Variants in SGCZ observed in about 807,000 individuals in gnomAD.
SGCZ encodes sarcoglycan zeta.
A neutral mutation model predicts 41.3 loss-of-function variants in SGCZ; 40 were observed. The ratio of observed to expected loss-of-function variants is 0.97; its 90% confidence interval spans 0.75 to 1.26. The LOEUF (loss-of-function observed/expected upper bound fraction) is 1.26, where lower values mean the gene tolerates loss of function less well. SGCZ is among the 50% of genes most tolerant of loss of function. The probability of loss-of-function intolerance (pLI) is 0.00; values close to 1 mark genes in which losing one functional copy is unlikely to be tolerated. For missense variants in SGCZ, 552 were observed against 369.8 expected (o/e 1.49, Z -4.04); for synonymous variants, 206 against 137.5 (o/e 1.50, Z -3.49).
chr8:14,519,787 T>C (rs1254529113), intron 2 of SGCZ, among the ~76,000 whole-genome samples: 2 of 152,220 alleles, frequency 1.3e-5, no homozygotes, highest in African/African-American at 2.4e-5. Context: ...ATGAGAAAAA[T>C]GTTATTTCAT....
chr8:15,088,975 G>A (rs1204240693), intron 1 of SGCZ, among the ~76,000 whole-genome samples: 1 of 152,152 alleles, frequency 6.6e-6, no homozygotes, highest in Non-Finnish European at 1.5e-5. Context: ...TGCTCCTAAT[G>A]TTCATAACAG....
At chr8:14,802,971 T>A (rs1008877350) in intron 1 of SGCZ, among the ~76,000 whole-genome samples, 1 of 152,202 alleles carries the variant, frequency 6.6e-6, no homozygotes, top group African/African-American at 2.4e-5. Context: ...TGTTTGTAGA[T>A]AGCAGACAGC....
At chr8:14,280,558 T>C (rs1271338449) in intron 3 of SGCZ, among the ~76,000 whole-genome samples, 1 of 151,950 alleles carries the variant, frequency 6.6e-6, no homozygotes, top group Non-Finnish European at 1.5e-5. Context: ...TTTAGTGGTA[T>C]TGTTTCTAAG....
Position 14,130,515 on chromosome 8 carries a change from A to C in SGCZ, c.548-22280T>G, listed in dbSNP as rs187788946. Among the ~76,000 whole-genome samples, 41 of 152,298 alleles carry C rather than the reference A, an allele frequency of 2.7e-4. No individual in the cohort carries two copies. In the Middle Eastern group the frequency reaches 0.01, roughly 38 times the overall value. ...AAAATGAATAAAACAACAAATAAATAAGCAGTTTTTGACTAGACTGCCTGA... is the reference window on the plus strand; with the variant it reads ...AAAATGAATAAAACAACAAATAAATCAGCAGTTTTTGACTAGACTGCCTGA... On this transcript the variant is annotated intron_variant, in intron 5 of 7. Coordinates refer to ENST00000382080, the MANE Select transcript of SGCZ (RefSeq NM_139167.4).
chr8:15,130,123 G>A (rs1486815017), intron 1 of SGCZ, among the ~76,000 whole-genome samples: 1 of 152,080 alleles, frequency 6.6e-6, no homozygotes, highest in Non-Finnish European at 1.5e-5. Context: ...TTCTCTATCG[G>A]GAGGTTTTGG....
At chr8:14,688,118 C>T (rs867439969) in intron 1 of SGCZ, among the ~76,000 whole-genome samples, 28 of 152,168 alleles carry the variant, frequency 1.8e-4, no homozygotes, top group Middle Eastern at 3.4e-3. Context: ...GAGTAGGTTG[C>T]GAAAATTTTC....
At chr8:15,160,983 G>A (rs186452343) in intron 1 of SGCZ, among the ~76,000 whole-genome samples, 3 of 152,104 alleles carry the variant, frequency 2.0e-5, no homozygotes, top group South Asian at 2.1e-4. Context: ...GGGCTCCTGG[G>A]ATCAAGCATT....
intron 1 of SGCZ, among the ~76,000 whole-genome samples, chr8:15,207,905 A>C (rs999299267): frequency 2.6e-5 from 4 of 152,198 alleles, no homozygotes; most frequent in African/African-American, 9.6e-5. Flanking sequence ...TCTCAATTTT[A>C]ATACAAGTTT....
chr8:14,245,797 G>A (rs1037538889), intron 3 of SGCZ, among the ~76,000 whole-genome samples: 1 of 152,196 alleles, frequency 6.6e-6, no homozygotes, highest in Non-Finnish European at 1.5e-5. Context: ...GACATGAACA[G>A]ACGCTTCTCA....
At chr8:14,476,110 G>C (rs1345401695) in intron 2 of SGCZ, among the ~76,000 whole-genome samples, 2 of 152,086 alleles carry the variant, frequency 1.3e-5, no homozygotes, top group Non-Finnish European at 2.9e-5. Flanking sequence ...TTATTCTTAT[G>C]AGTCAACTTG....
At chr8:14,230,135 G>C (rs7830259) in intron 4 of SGCZ, among the ~76,000 whole-genome samples, 145,626 of 152,152 alleles carry the variant, frequency 0.96, 69,775 homozygotes, top group East Asian at 1. Flanking sequence ...GAATATTGAG[G>C]AACGTAAGGA....
At chr8:14,457,099 C>A (rs1386912526) in intron 2 of SGCZ, among the ~76,000 whole-genome samples, 2 of 152,146 alleles carry the variant, frequency 1.3e-5, no homozygotes, top group Non-Finnish European at 2.9e-5. Flanking sequence ...ATAGTTATAC[C>A]AGATATACCT....
chr8:14,380,693 A>T (rs988228102), intron 2 of SGCZ, among the ~76,000 whole-genome samples: 57 of 152,112 alleles, frequency 3.7e-4, no homozygotes, highest in African/African-American at 1.3e-3. Context: ...CTCTATGAAA[A>T]ATAGAAAAAT....
Position 14,933,874 on chromosome 8 carries a change from T to C in SGCZ, c.39+303711A>G, listed in dbSNP as rs75436308. 3.4e-3 allele frequency among the ~76,000 whole-genome samples: 518 copies of C among 152,184 alleles called. 9 individuals are homozygous for C. The highest frequency in any genetic ancestry group is 0.011 in the African/African-American group (472 of 41,460). On this transcript the variant is annotated intron_variant, in intron 1 of 7. Coordinates refer to ENST00000382080, the MANE Select transcript of SGCZ (RefSeq NM_139167.4). The stretch of plus-strand genomic sequence containing the variant: ...TGTTAAATATTTTGATCACCATTTA[T>C]TTTTCAATGGATGGGTGAACATTAA...
intron 1 of SGCZ, among the ~76,000 whole-genome samples, chr8:15,065,104 G>T (rs1342024891): frequency 6.6e-6 from 1 of 151,966 alleles, no homozygotes; most frequent in Non-Finnish European, 1.5e-5. Flanking sequence ...TTTCCCCTTG[G>T]TCTCACTTCC....
intron 1 of SGCZ, among the ~76,000 whole-genome samples, chr8:14,843,438 G>A (rs949018180): frequency 6.6e-6 from 1 of 152,012 alleles, no homozygotes; most frequent in Non-Finnish European, 1.5e-5. Flanking sequence ...TTAGTATTTT[G>A]TATGTACCTT....
chr8:14,613,729 A>C (rs1189222964), intron 1 of SGCZ, among the ~76,000 whole-genome samples: 2 of 140,226 alleles, frequency 1.4e-5, no homozygotes, highest in African/African-American at 5.2e-5. Context: ...CCAAAGATTT[A>C]GACATAAGAA....
chr8:14,217,718 C>T (rs1806050484), intron 4 of SGCZ, among the ~76,000 whole-genome samples: 2 of 145,416 alleles, frequency 1.4e-5, no homozygotes, highest in South Asian at 4.4e-4. Context: ...CAACGTCTCA[C>T]TCCTGCGTTC....
At chr8:15,145,769 G>C (rs575526200) in intron 1 of SGCZ, among the ~76,000 whole-genome samples, 1 of 152,262 alleles carries the variant, frequency 6.6e-6, no homozygotes, top group African/African-American at 2.4e-5. Flanking sequence ...TCTTCCTAAA[G>C]AATGGAGATA....
Sources: allele counts gnomAD v4.1 joint callset (sites outside exome capture counted in the v4.1 genomes callset), GRCh38; gene constraint gnomAD v4.1.1; transcripts MANE v1.5; gene names NCBI Gene and HGNC (gene_info 2026-07-23, HGNC 2026-07-21).